CDKL3: variants seen among roughly 807,000 people sequenced by gnomAD.
CDKL3 encodes the protein cyclin-dependent kinase-like 3.
CDKL3 carries 65 observed loss-of-function variants against 69.3 expected under a neutral mutation model. The ratio of observed to expected loss-of-function variants is 0.94; its 90% CI spans 0.77 to 1.15. The LOEUF (loss-of-function observed/expected upper bound fraction) is 1.15. Among genes scored for constraint, CDKL3 ranks in the 50% most tolerant of loss-of-function variants. CDKL3 has a pLI of 0.00. For synonymous variants in CDKL3, 202 were observed against 221.6 expected (o/e 0.91, Z 0.79); for missense variants, 652 against 689.2 (o/e 0.95, Z 0.61).
At chr5:134,315,018 A>G (rs1330836416) in intron 6 of CDKL3, among the ~76,000 whole-genome samples, 1 of 152,186 alleles carries the variant, frequency 6.6e-6, no homozygotes, top group Admixed American at 6.6e-5. Flanking sequence ...CATTGTTTAG[A>G]AAATTTATAT....
intron 11 of CDKL3, 47 bp from the exon 12 acceptor site, chr5:134,302,734 T>C: frequency 2.1e-6 from 2 of 972,070 alleles, no homozygotes; most frequent in Non-Finnish European, 1.5e-6. Context: ...ATTCCTACTT[T>C]GAAATTTTAC....
At chr5:134,306,750 C>CTTTTTTTTTTTTTT (rs11414446) in intron 9 of CDKL3, 48 bp from the exon 10 acceptor site, 2 of 227,676 alleles carry the variant, frequency 8.8e-6, no homozygotes, top group South Asian at 3.1e-5. Flanking sequence ...CCCAGAAATG[C>CTTTTTTTTTTTTTT]TTTTTTTTTT....
chr5:134,361,963 G>A (rs1229407287), intron 2 of CDKL3, among the ~76,000 whole-genome samples: 1 of 152,096 alleles, frequency 6.6e-6, no homozygotes, highest in African/African-American at 2.4e-5. Context: ...GAAAATTACT[G>A]GTTTCCTGTC....
At chr5:134,334,294 GTC>G (rs1341486132) in intron 4 of CDKL3, among the ~76,000 whole-genome samples, 1 of 152,026 alleles carries the variant, frequency 6.6e-6, no homozygotes, top group East Asian at 1.9e-4. Flanking sequence ...GGCTTTTTGT[GTC>G]TCTGTCTCCT....
chr5:134,356,600 G>A (rs1001795877), intron 3 of CDKL3, among the ~76,000 whole-genome samples: 4 of 151,982 alleles, frequency 2.6e-5, no homozygotes, highest in Admixed American at 6.6e-5. Context: ...CCTGGCTAAC[G>A]TGGTGAAACC....
chr5:134,308,342 G>A lies in CDKL3; in HGVS notation c.1160C>T (p.Ala387Val), dbSNP rs779665928. The change falls in exon 9 of 13, where the codon GCA becomes GTA. Residue 387 changes from alanine (A) to valine (V), a missense_variant. Coordinates refer to ENST00000265334, the MANE Select transcript of CDKL3 (RefSeq NM_001113575.2). The stretch of plus-strand genomic sequence containing the variant: ...AGACATAGGATGAACATTTTCATTT[G>A]CATCCTGTTGACCAAGTCCACCTTC... Reference protein sequence around the residue: ...EYEGGLGQQDANENVHPMSPD... With the variant: ...EYEGGLGQQDVNENVHPMSPD... 2.2e-5 allele frequency: 35 copies of A among 1,613,670 alleles called. No individual in the cohort carries two copies. In the East Asian group the frequency reaches 7.8e-4, roughly 36 times the overall value.
chr5:134,310,286 C>T (rs148191098), intron 7 of CDKL3, among the ~76,000 whole-genome samples: 1,663 of 151,634 alleles, frequency 0.011, 39 homozygotes, highest in African/African-American at 0.038. Context: ...CCCGTGTTCA[C>T]ACCATTCTCC....
At chr5:134,330,230 A>AT (rs1439365843) in intron 4 of CDKL3, among the ~76,000 whole-genome samples, 1 of 152,044 alleles carries the variant, frequency 6.6e-6, no homozygotes, top group Non-Finnish European at 1.5e-5. Context: ...CCCTTTATAG[A>AT]TTTTTTAAGA....
intron 6 of CDKL3, among the ~76,000 whole-genome samples, chr5:134,316,959 C>T (rs1771251220): frequency 1.3e-5 from 2 of 151,876 alleles, no homozygotes; most frequent in East Asian, 1.9e-4. Context: ...TGAACCTCTC[C>T]TTTTTGTTTA....
At position 134,319,485 on chromosome 5, in the gene CDKL3, G is replaced by C. The variant is rs1049014993; in HGVS notation, c.665C>G (p.Pro222Arg). 2.6e-6 allele frequency: 4 copies of C among 1,525,430 alleles called. No individual in the cohort carries two copies. In the Admixed American group the frequency reaches 7.0e-5, roughly 27 times the overall value. The allele number at this position is 1,525,430 out of a possible 1,614,324, so 94.5% of individuals were successfully genotyped here. ...CTTGGAAAAGATATTCTGCAAGTGA[G>C]GTGACAAATTGCCTGAAAAGAGAAA... ...KIVLKVGNLS[P>R]HLQNIFSKSP... is the part of the protein sequence containing the mutation. The change falls in exon 6 of 13, where the codon CCT becomes CGT. Residue 222 changes from proline to arginine, a missense_variant. Physicochemically the swap from Pro to Arg is moderately radical, Grantham distance 103. Coordinates refer to ENST00000265334, the MANE Select transcript of CDKL3 (RefSeq NM_001113575.2).
At chr5:134,336,727 A>G (rs1361452201) in intron 4 of CDKL3, among the ~76,000 whole-genome samples, 1 of 152,120 alleles carries the variant, frequency 6.6e-6, no homozygotes, top group Non-Finnish European at 1.5e-5. Context: ...ACCTGCCTGT[A>G]TGAAGTGTCC....
intron 6 of CDKL3, among the ~76,000 whole-genome samples, chr5:134,317,436 G>A (rs891570365): frequency 2.0e-5 from 3 of 152,140 alleles, no homozygotes; most frequent in Admixed American, 6.6e-5. Flanking sequence ...TTATAGGCAC[G>A]AGCCACTGCA....
intron 4 of CDKL3, 78 bp downstream of exon 4, chr5:134,350,169 CAG>C (rs1752912686): frequency 9.0e-7 from 1 of 1,107,944 alleles, no homozygotes; most frequent in Non-Finnish European, 1.3e-6. Flanking sequence ...GCCTGGGTGA[CAG>C]AGCAACACGC....
chr5:134,346,847 T>C (rs992862646), intron 4 of CDKL3, among the ~76,000 whole-genome samples: 9 of 152,170 alleles, frequency 5.9e-5, no homozygotes, highest in Non-Finnish European at 1.0e-4. Flanking sequence ...TTGAAACCCA[T>C]TAAATATGTT....
chr5:134,350,483 C>A, intron 3 of CDKL3, 56 bp from the exon 4 acceptor site: 2 of 1,228,808 alleles, frequency 1.6e-6, no homozygotes, highest in South Asian at 2.9e-5. Flanking sequence ...TATCCAGAAT[C>A]TCTCAAAAAT....
chr5:134,343,741 G>A (rs1296791930), intron 4 of CDKL3, among the ~76,000 whole-genome samples: 1 of 152,132 alleles, frequency 6.6e-6, no homozygotes, highest in Non-Finnish European at 1.5e-5. Flanking sequence ...CAAGAAGACA[G>A]CTTCCACTCC....
At chr5:134,334,759 T>C (rs574551778) in intron 4 of CDKL3, among the ~76,000 whole-genome samples, 39 of 152,242 alleles carry the variant, frequency 2.6e-4, no homozygotes, top group Non-Finnish European at 5.0e-4. Context: ...AGAATAAGTG[T>C]GATGTGGTGC....
At chr5:134,326,815 GTGTATATATATATA>G (rs1400995305) in intron 4 of CDKL3, among the ~76,000 whole-genome samples, 4 of 81,526 alleles carry the variant, frequency 4.9e-5, no homozygotes, top group Non-Finnish European at 4.4e-5. Flanking sequence ...ATATATGTGT[GTGTATATATATATA>G]TATATATATA....
At chr5:134,368,198 C>T (rs542917617), upstream of CDKL3, among the ~76,000 whole-genome samples, 8 of 152,268 alleles carry the variant, frequency 5.3e-5, no homozygotes, top group East Asian at 1.5e-3. Context: ...ATTGGGATAG[C>T]GTAAATAAAT....
Sources: allele counts gnomAD v4.1 joint callset (sites outside exome capture counted in the v4.1 genomes callset), GRCh38; gene constraint gnomAD v4.1.1; transcripts MANE v1.5; gene names NCBI Gene and HGNC (gene_info 2026-07-23, HGNC 2026-07-21).